Variants in TOX3 observed in about 807,000 individuals in gnomAD.
The protein encoded by TOX3 is CAG trinucleotide repeat-containing gene F9 protein.
TOX3 carries 22 observed loss-of-function variants against 64.3 expected under a neutral mutation model. The ratio of observed to expected loss-of-function variants is 0.34; its 90% CI spans 0.24 to 0.49. The LOEUF is 0.49. Ranked by LOEUF, TOX3 falls within the 20% of genes least tolerant of loss-of-function variation. TOX3 has a pLI of 0.99. For missense variants in TOX3, 661 were observed against 714.4 expected, an observed-to-expected ratio of 0.93 and a Z score of 0.85; for synonymous variants, 291 against 273.6, an observed-to-expected ratio of 1.06 and a Z score of -0.63.
intron 3 of TOX3, among the ~76,000 whole-genome samples, chr16:52,459,453 T>C (rs1278224762): frequency 6.6e-6 from 1 of 152,214 alleles, no homozygotes; most frequent in African/African-American, 2.4e-5. Flanking sequence ...CCATTCAATG[T>C]GTATTTTTGC....
At chr16:52,522,335 T>C (rs763495912) in intron 1 of TOX3, among the ~76,000 whole-genome samples, 2 of 152,128 alleles carry the variant, frequency 1.3e-5, no homozygotes, top group African/African-American at 2.4e-5. Flanking sequence ...AGTTTCCAAA[T>C]AGTGCTAACA....
chr16:52,538,893 T>C (rs1468391961), intron 1 of TOX3, among the ~76,000 whole-genome samples: 1 of 152,102 alleles, frequency 6.6e-6, no homozygotes, highest in African/African-American at 2.4e-5. Context: ...CTCAAAGGGA[T>C]AAGATTAACC....
chr16:52,528,461 T>C (rs1462620946), intron 1 of TOX3, among the ~76,000 whole-genome samples: 1 of 151,982 alleles, frequency 6.6e-6, no homozygotes, highest in Non-Finnish European at 1.5e-5. Flanking sequence ...AATCTCCATT[T>C]CAGAAATGAT....
At chr16:52,487,096 T>C (rs1961552880) in intron 1 of TOX3, among the ~76,000 whole-genome samples, 1 of 152,086 alleles carries the variant, frequency 6.6e-6, no homozygotes, top group Admixed American at 6.6e-5. Context: ...TGGAAATCCT[T>C]GGAACAAATG....
chr16:52,530,695 C>G (rs530364185), intron 1 of TOX3, among the ~76,000 whole-genome samples: 139 of 150,000 alleles, frequency 9.3e-4, no homozygotes, highest in African/African-American at 3.3e-3. Context: ...TTCTCTTTTT[C>G]CTCTCTACAA....
chr16:52,474,505 T>C (rs1161111828), intron 1 of TOX3, among the ~76,000 whole-genome samples: 1 of 151,792 alleles, frequency 6.6e-6, no homozygotes, highest in Non-Finnish European at 1.5e-5. Context: ...TAGTTTCAGC[T>C]ACACAGGAGG....
At chr16:52,546,320 CAA>C (rs1296215830) in intron 1 of TOX3, among the ~76,000 whole-genome samples, 2 of 152,074 alleles carry the variant, frequency 1.3e-5, no homozygotes, top group African/African-American at 4.8e-5. Context: ...ATAACAGCAA[CAA>C]ACAATCACAC....
At chr16:52,498,205 G>T (rs1208843726) in intron 1 of TOX3, among the ~76,000 whole-genome samples, 1 of 152,134 alleles carries the variant, frequency 6.6e-6, no homozygotes. Context: ...CAAAAGGGGA[G>T]AAAATCAATG....
rs540040959 is a variant in TOX3 at position 52,460,206 on chromosome 16, T to G, written c.408+3728A>C. Among the ~76,000 whole-genome samples the G allele has an allele frequency of 1.4e-4, 21 of 152,326 alleles. No homozygotes were observed. In the South Asian group the frequency reaches 4.4e-3, roughly 32 times the overall value. On this transcript the variant is annotated intron_variant, in intron 3 of 6. Transcript: ENST00000219746. ...GCTAGAGCACCACTATAGCATTTTC[T>G]ATAAATATGTGTGATCACAATTAAA...
chr16:52,536,824 G>T (rs192811047), intron 1 of TOX3, among the ~76,000 whole-genome samples: 7 of 150,460 alleles, frequency 4.7e-5, no homozygotes, highest in Admixed American at 4.0e-4. Flanking sequence ...TCCCAGGCTG[G>T]AAGTGCAGTG....
chr16:52,441,653 T>C (rs1258418363), intron 6 of TOX3, among the ~76,000 whole-genome samples: 1 of 152,156 alleles, frequency 6.6e-6, no homozygotes, highest in Non-Finnish European at 1.5e-5. Context: ...CAGCCATCCA[T>C]TATCTTCAAT....
rs960945498 is a variant in TOX3, at chr16:52,546,839, C to G, written c.-116G>C. The G allele has an allele frequency of 8.0e-7, 1 of 1,242,742 alleles. No homozygotes were observed. The highest frequency in any genetic ancestry group is 1.0e-6 in the Non-Finnish European group (1 of 993,134). The allele number at this position is 1,242,742 out of a possible 1,614,324, so 77.0% of individuals were successfully genotyped here. On this transcript the variant is annotated 5_prime_UTR_variant, in exon 1 of 7. Coordinates refer to ENST00000219746, the MANE Select transcript of TOX3 (RefSeq NM_001080430.4). The stretch of plus-strand genomic sequence containing the variant: ...GCGCCCGGGGGTGGCGCGTGGGACT[C>G]GCGGCCGGAGGGGCGCCGGGACCCA...
intron 1 of TOX3, among the ~76,000 whole-genome samples, chr16:52,517,622 C>T (rs1365233742): frequency 6.6e-6 from 1 of 151,980 alleles, no homozygotes; most frequent in African/African-American, 2.4e-5. Flanking sequence ...CTACATGCAT[C>T]TTACCTACAC....
chr16:52,530,930 T>C (rs1962839160), intron 1 of TOX3, among the ~76,000 whole-genome samples: 2 of 152,216 alleles, frequency 1.3e-5, no homozygotes, highest in South Asian at 4.1e-4. Context: ...TGCCATCTTG[T>C]ACCTGTTTAA....
In TOX3 at chr16:52,437,664, T is replaced by C. The variant is rs1343945716; in HGVS notation, c.*1561A>G. 6.6e-6 allele frequency among the ~76,000 whole-genome samples: 1 copy of C among 152,126 alleles called. No individual in the cohort carries two copies. The highest frequency in any genetic ancestry group is 1.5e-5 in the Non-Finnish European group (1 of 68,012). On this transcript the variant is annotated 3_prime_UTR_variant, in exon 7 of 7. Coordinates refer to ENST00000219746, the MANE Select transcript of TOX3 (RefSeq NM_001080430.4). ...GAATAAATGGGCACCGAAATAATTA[T>C]TTTGGCTTAAGAATTAGCATTCACC...
chr16:52,485,265 TATATA>T (rs1961497557), intron 1 of TOX3, among the ~76,000 whole-genome samples: 2 of 147,162 alleles, frequency 1.4e-5, no homozygotes, highest in Admixed American at 6.8e-5. Flanking sequence ...TATATATATA[TATATA>T]TACATATCTC....
chr16:52,448,596 C>T (rs1960237654), intron 4 of TOX3, among the ~76,000 whole-genome samples: 1 of 152,086 alleles, frequency 6.6e-6, no homozygotes, highest in South Asian at 2.1e-4. Context: ...TAGAATAAAC[C>T]CTTCATCTTG....
intron 2 of TOX3, 69 bp downstream of exon 2, chr16:52,468,440 C>T: frequency 7.3e-7 from 1 of 1,374,020 alleles, no homozygotes; most frequent in Non-Finnish European, 1.0e-6. Context: ...TTTGTTTTTC[C>T]CTTCAAGCCT....
At chr16:52,469,597 C>A (rs1464864761) in intron 1 of TOX3, among the ~76,000 whole-genome samples, 6 of 152,022 alleles carry the variant, frequency 3.9e-5, no homozygotes, top group Non-Finnish European at 8.8e-5. Flanking sequence ...TATATCTATT[C>A]TCTAATATAA....
Sources: allele counts gnomAD v4.1 joint callset (sites outside exome capture counted in the v4.1 genomes callset), GRCh38; gene constraint gnomAD v4.1.1; transcripts MANE v1.5; gene names NCBI Gene and HGNC (gene_info 2026-07-23, HGNC 2026-07-21).